The following ZNF536 variants were observed in gnomAD, a reference collection of about 807,000 sequenced individuals.
The protein encoded by ZNF536 is zinc finger protein 536.
A neutral mutation model predicts 84.5 loss-of-function variants in ZNF536; 13 were observed. The ratio of observed to expected loss-of-function variants is 0.15; its 90% CI spans 0.10 to 0.24. ZNF536 has a LOEUF of 0.24. Ranked by LOEUF, ZNF536 falls within the 10% of genes least tolerant of loss-of-function variation. The pLI is 1.00. For synonymous variants in ZNF536, 811 were observed against 742.5 expected (o/e 1.09, Z -1.50); for missense variants, 1,536 against 1,747.5 (o/e 0.88, Z 2.16).
intron 1 of ZNF536, among the ~76,000 whole-genome samples, chr19:30,639,234 C>G (rs550585733): frequency 6.6e-6 from 1 of 152,144 alleles, no homozygotes; most frequent in Admixed American, 6.5e-5. Flanking sequence ...TGTGAACCAC[C>G]CACGTCATTT....
In ZNF536 at chr19:30,548,702, C is replaced by G. The variant is rs375648549; in HGVS notation, c.3083C>G (p.Ala1028Gly). ...LHLQANHLGK[A>G]KRKDNTIGVT... is the part of the protein sequence containing the mutation. ...CTCCAGGCCAACCACCTGGGCAAAG[C>G]GAAACGCAAAGATAACACCATCGGG... The change falls in exon 4 of 5, where the codon GCG becomes GGG. Residue 1028 changes from alanine (A) to glycine (G), a missense_variant. Around this residue, in one of 8 missense-constraint regions of ZNF536, gnomAD observed 624 missense variants for 603.1 expected, o/e 1.03. Coordinates refer to ENST00000355537, the MANE Select transcript of ZNF536 (RefSeq NM_014717.3). The G allele has an allele frequency of 3.7e-5, 59 of 1,613,850 alleles. No individual in the cohort carries two copies. The highest frequency in any genetic ancestry group is 5.0e-5 in the Non-Finnish European group (59 of 1,180,042).
chr19:30,492,131 C>T (rs1018165531), intron 2 of ZNF536, among the ~76,000 whole-genome samples: 2 of 152,124 alleles, frequency 1.3e-5, no homozygotes, highest in African/African-American at 4.8e-5. Flanking sequence ...TGAAGGGACA[C>T]AGAATATTAA....
At chr19:30,563,864 C>A (rs1021213651) in intron 1 of ZNF536, among the ~76,000 whole-genome samples, 1 of 152,174 alleles carries the variant, frequency 6.6e-6, no homozygotes. Context: ...ACAACCCCTG[C>A]GGATGAGCCC....
intron 1 of ZNF536, among the ~76,000 whole-genome samples, chr19:30,629,059 A>G (rs954809118): frequency 2.0e-5 from 3 of 152,162 alleles, no homozygotes; most frequent in Admixed American, 1.3e-4. Context: ...GGGAGAGGAG[A>G]CTGGACCCTC....
chr19:30,355,253 C>T (rs979860686), intron 3 of ZNF536, among the ~76,000 whole-genome samples: 29 of 151,646 alleles, frequency 1.9e-4, no homozygotes, highest in African/African-American at 2.4e-4. Context: ...AGAGAGGCGG[C>T]GAGGGAAGGG....
chr19:30,395,314 G>A (rs1568387692), intron 1 of ZNF536, among the ~76,000 whole-genome samples: 4 of 152,158 alleles, frequency 2.6e-5, no homozygotes, highest in East Asian at 1.9e-4. Flanking sequence ...CATAGAAGTG[G>A]CATTTTGTTG....
intron 1 of ZNF536, among the ~76,000 whole-genome samples, chr19:30,264,466 G>T (rs1199120120): frequency 6.6e-6 from 1 of 150,776 alleles, no homozygotes; most frequent in Non-Finnish European, 1.5e-5. Context: ...TTATTGTTCA[G>T]GGCCAGAGAC....
At chr19:30,338,685 T>G (rs1321316223) in intron 2 of ZNF536, among the ~76,000 whole-genome samples, 1 of 152,158 alleles carries the variant, frequency 6.6e-6, no homozygotes, top group Non-Finnish European at 1.5e-5. Flanking sequence ...AGGGGGGCAA[T>G]GCTAATAGCA....
At chr19:30,696,300 C>A (rs546122246) in intron 1 of ZNF536, among the ~76,000 whole-genome samples, 14 of 152,282 alleles carry the variant, frequency 9.2e-5, no homozygotes, top group African/African-American at 2.2e-4. Context: ...CCGGCTCCCC[C>A]ACTCCAGCAC....
chr19:30,261,697 CAAAAAAAAAA>C (rs56820609), intron 1 of ZNF536, among the ~76,000 whole-genome samples: 8 of 99,922 alleles, frequency 8.0e-5, no homozygotes, highest in Non-Finnish European at 1.4e-4. Context: ...GGACCTTGTC[CAAAAAAAAAA>C]AAAAAAAAAA....
chr19:30,560,167 C>CCAA (rs945095699), downstream of ZNF536, among the ~76,000 whole-genome samples: 19 of 152,000 alleles, frequency 1.3e-4, no homozygotes, highest in Admixed American at 1.0e-3. Flanking sequence ...GTGGAATGAG[C>CCAA]CAACTTCATT....
At chr19:30,551,708 C>A (rs1407846994) in intron 4 of ZNF536, among the ~76,000 whole-genome samples, 1 of 152,204 alleles carries the variant, frequency 6.6e-6, no homozygotes, top group Non-Finnish European at 1.5e-5. Context: ...TTGACTCTGG[C>A]CACGAGCTGC....
intron 1 of ZNF536, among the ~76,000 whole-genome samples, chr19:30,680,274 TAA>T (rs1356383559): frequency 2.6e-5 from 4 of 151,954 alleles, no homozygotes; most frequent in African/African-American, 7.2e-5. Flanking sequence ...TATTATACTT[TAA>T]GTTTTAGGGT....
At chr19:30,336,403 T>C (rs906177032) in intron 2 of ZNF536, among the ~76,000 whole-genome samples, 1 of 152,126 alleles carries the variant, frequency 6.6e-6, no homozygotes, top group African/African-American at 2.4e-5. Flanking sequence ...GCAAATGCTG[T>C]TGGACAGGAC....
intron 2 of ZNF536, among the ~76,000 whole-genome samples, chr19:30,334,543 C>T (rs1465647950): frequency 6.6e-6 from 1 of 152,150 alleles, no homozygotes; most frequent in East Asian, 1.9e-4. Flanking sequence ...GCTGGGAGCC[C>T]ACATTTTCCC....
intron 2 of ZNF536, among the ~76,000 whole-genome samples, chr19:30,489,951 C>T (rs1016055773): frequency 2.0e-5 from 3 of 152,226 alleles, no homozygotes; most frequent in Non-Finnish European, 2.9e-5. Flanking sequence ...ACCTGATTTG[C>T]AAGTTCTCAA....
chr19:30,444,310 G>T lies in ZNF536; in HGVS notation c.748G>T (p.Asp250Tyr), dbSNP rs765701898. The change falls in exon 2 of 5, where the codon GAC becomes TAC. Residue 250 changes from aspartate (D) to tyrosine (Y), a missense_variant. By Grantham distance (160) the Asp-to-Tyr change is radical (BLOSUM62 -3). This residue lies in a region of ZNF536 where 138 missense variants were observed against 136.8 expected (regional missense o/e 1.01). Coordinates refer to ENST00000355537, the MANE Select transcript of ZNF536 (RefSeq NM_014717.3). ...LALQANHSVP[D>Y]VAHPVPSPKP... ...CCTGCAGGCTAACCACAGCGTTCCC[G>T]ACGTGGCCCACCCGGTGCCCTCGCC... 8 of 1,585,336 alleles carry T rather than the reference G, an allele frequency of 5.0e-6. No individual in the cohort carries two copies. Among genetic ancestry groups the T allele is most frequent in the Non-Finnish European group, 6.8e-6 (8 of 1,172,766 alleles).
At chr19:30,660,386 C>T (rs556472847) in intron 1 of ZNF536, among the ~76,000 whole-genome samples, 2 of 152,090 alleles carry the variant, frequency 1.3e-5, no homozygotes, top group Admixed American at 1.3e-4. Flanking sequence ...CTGTTGACAC[C>T]CCTGGTTCTA....
At chr19:30,268,252 A>G (rs187084173) in intron 1 of ZNF536, among the ~76,000 whole-genome samples, 1 of 152,114 alleles carries the variant, frequency 6.6e-6, no homozygotes, top group African/African-American at 2.4e-5. Context: ...AGTACATTTC[A>G]TAGTTAGTAA....
Sources: allele counts gnomAD v4.1 joint callset (sites outside exome capture counted in the v4.1 genomes callset), GRCh38; gene constraint gnomAD v4.1.1; regional missense constraint gnomAD v4.1.1; transcripts MANE v1.5; gene names NCBI Gene and HGNC (gene_info 2026-07-23, HGNC 2026-07-21).